ZNF626: variants seen among roughly 807,000 people sequenced by gnomAD.
ZNF626 encodes CTC-513N18.7.
In ZNF626, 4 loss-of-function variants were observed where a neutral mutation model predicts 11.7. That is an observed-to-expected ratio of 0.34 (90% CI 0.17 to 0.78). ZNF626 has a LOEUF of 0.78. ZNF626 is among the 30% of genes least tolerant of loss of function. The pLI is 0.57. For synonymous variants in ZNF626, 179 were observed against 198.6 expected (o/e 0.90, Z 0.83); for missense variants, 588 against 587.1 (o/e 1.00, Z -0.01).
At chr19:20,651,714 T>C (rs1182928217) in intron 1 of ZNF626, among the ~76,000 whole-genome samples, 2 of 152,192 alleles carry the variant, frequency 1.3e-5, no homozygotes, top group Non-Finnish European at 2.9e-5. Flanking sequence ...GGTGGCCCAA[T>C]GATAAGCCAG....
chr19:20,641,725 ATT>A (rs145844530), intron 3 of ZNF626, among the ~76,000 whole-genome samples: 1 of 147,684 alleles, frequency 6.8e-6, no homozygotes, highest in African/African-American at 2.5e-5. Context: ...ACTCTTATTA[ATT>A]TTTTTTTTTA....
At chr19:20,638,873 G>GA (rs201956787) in intron 3 of ZNF626, among the ~76,000 whole-genome samples, 4 of 151,424 alleles carry the variant, frequency 2.6e-5, no homozygotes, top group African/African-American at 7.3e-5. Flanking sequence ...GGAAAATTCA[G>GA]AAAAAAAATA....
In ZNF626 at chr19:20,637,798, A is replaced by ACAG. The variant is rs1568458047; in HGVS notation, c.226+7885_226+7886insCTG. ...ACTACTAGAAACACACAAAACAATA[A>ACAG]TAACGTAACTGGAAATAACAACTTC... On this transcript the variant is annotated intron_variant, in intron 3 of 3. Transcript: ENST00000601440. Among the ~76,000 whole-genome samples the ACAG allele has an allele frequency of 6.0e-3, 919 of 152,228 alleles. 12 individuals carry two copies. Among genetic ancestry groups the ACAG allele is most frequent in the African/African-American group, 0.021 (877 of 41,564 alleles).
intron 3 of ZNF626, among the ~76,000 whole-genome samples, chr19:20,636,495 C>G (rs1969966757): frequency 6.7e-6 from 1 of 150,374 alleles, no homozygotes; most frequent in African/African-American, 2.4e-5. Flanking sequence ...ACAAGTAGAT[C>G]AATGTATTCA....
At chr19:20,630,165 G>A (rs184359932) in intron 3 of ZNF626, among the ~76,000 whole-genome samples, 1 of 152,262 alleles carries the variant, frequency 6.6e-6, no homozygotes, top group East Asian at 1.9e-4. Flanking sequence ...TTTATGTGCT[G>A]CTGGATTCGG....
At chr19:20,627,175 A>T (rs1555769868) in intron 3 of ZNF626, among the ~76,000 whole-genome samples, 1 of 152,192 alleles carries the variant, frequency 6.6e-6, no homozygotes, top group African/African-American at 2.4e-5. Context: ...AAAATTTCTT[A>T]AAAGGAAAAA....
At chr19:20,645,472 GA>G (rs1970066190) in intron 3 of ZNF626, 1 of 1,608,936 alleles carries the variant, frequency 6.2e-7, no homozygotes, top group East Asian at 2.2e-5. Flanking sequence ...AAAATCCTTA[GA>G]GAATTTAAAA....
At chr19:20,633,422 G>A (rs1031595344) in intron 3 of ZNF626, among the ~76,000 whole-genome samples, 46 of 152,342 alleles carry the variant, frequency 3.0e-4, no homozygotes, top group African/African-American at 1.0e-3. Flanking sequence ...TTGAGCTGTG[G>A]TGGGCTCCAC....
intron 1 of ZNF626, among the ~76,000 whole-genome samples, chr19:20,651,468 TCTC>T (rs1970145556): frequency 1.3e-5 from 2 of 151,998 alleles, no homozygotes; most frequent in East Asian, 1.9e-4. Flanking sequence ...GGTCTCCAGA[TCTC>T]CTCCTTGTTT....
At chr19:20,626,793 T>A (rs1427379405) in intron 3 of ZNF626, among the ~76,000 whole-genome samples, 1 of 151,780 alleles carries the variant, frequency 6.6e-6, no homozygotes, top group African/African-American at 2.4e-5. Context: ...CTTGGCCTCC[T>A]AATTTGAGGT....
chr19:20,625,363 G>A lies in ZNF626; in HGVS notation c.514C>T (p.Pro172Ser), dbSNP rs781850783. 1 of 1,614,008 alleles carries A rather than the reference G, an allele frequency of 6.2e-7. No individual in the cohort carries two copies. The highest frequency in any genetic ancestry group is 1.3e-5 in the African/African-American group (1 of 75,038). The change falls in exon 4 of 4, where the codon CCT becomes TCT. Residue 172 changes from proline (P) to serine (S), a missense_variant. Pro to Ser is a moderately conservative substitution (Grantham distance 74). This residue lies in a region of ZNF626 where 524 missense variants were observed against 470.1 expected (regional missense o/e 1.11). Transcript: ENST00000601440. ...GQKRGHTGKK[P>S]FKYIECGKAF... is the part of the protein sequence containing the mutation. ...TTGCCACATTCTATATATTTGAAAG[G>A]TTTTTTCCCAGTATGTCCTCTCTTT...
In ZNF626 at chr19:20,622,896, TGTA is replaced by T. The variant is rs1969773608; in HGVS notation, c.*1391_*1393del. On this transcript the variant is annotated 3_prime_UTR_variant, in exon 4 of 4. Transcript: ENST00000601440. ...GTATAAACTCTGCTGTTTTCTAAGC[TGTA>T]GTTTTTTTTTTTTAAAGTGTTTCCA... 1 of 142,436 alleles carries T rather than the reference TGTA, an allele frequency of 7.0e-6. No homozygotes were observed. Among genetic ancestry groups the T allele is most frequent in the South Asian group, 2.3e-4 (1 of 4,414 alleles). 8.8% of individuals were successfully genotyped at this position (142,436 alleles called of 1,614,324 possible).
rs11085364 is a variant in ZNF626 at position 20,624,087 on chromosome 19, T to C, written c.*203A>G. On this transcript the variant is annotated 3_prime_UTR_variant, in exon 4 of 4. Coordinates refer to ENST00000601440, the MANE Select transcript of ZNF626 (RefSeq NM_001076675.3). Reference sequence around the variant, plus strand: ...AGGATAGGTGAAAAGCTTTACCACATTATTCACATCTGTAGGGTTTCTCTC... The same window carrying C: ...AGGATAGGTGAAAAGCTTTACCACACTATTCACATCTGTAGGGTTTCTCTC... 96,995 of 893,184 alleles carry C rather than the reference T, an allele frequency of 0.11. 5,879 individuals are homozygous for C. The highest frequency in any genetic ancestry group is 0.14 in the Admixed American group (7,563 of 54,982). The allele number at this position is 893,184 out of a possible 1,614,324, so 55.3% of individuals were successfully genotyped here.
At chr19:20,630,502 T>C (rs1355956724) in intron 3 of ZNF626, among the ~76,000 whole-genome samples, 1 of 152,218 alleles carries the variant, frequency 6.6e-6, no homozygotes, top group Non-Finnish European at 1.5e-5. Context: ...CCTGGTTTAG[T>C]CTTGGGAGGA....
chr19:20,636,318 CAGTT>C (rs1969964808), intron 3 of ZNF626, among the ~76,000 whole-genome samples: 1 of 152,016 alleles, frequency 6.6e-6, no homozygotes, highest in Non-Finnish European at 1.5e-5. Context: ...TTAAATTGTA[CAGTT>C]AAATATTGTT....
chr19:20,656,087 G>GT (rs1160633054), intron 1 of ZNF626, among the ~76,000 whole-genome samples: 8 of 151,954 alleles, frequency 5.3e-5, no homozygotes, highest in African/African-American at 1.9e-4. Context: ...TATGAAATCC[G>GT]TAAGTGCACA....
rs1969814698 is a variant in ZNF626, at chr19:20,625,359, A to G, written c.518T>C (p.Phe173Ser). ...QKRGHTGKKP[F>S]KYIECGKAFK... Reference sequence around the variant, plus strand: ...AGCTTTGCCACATTCTATATATTTGAAAGGTTTTTTCCCAGTATGTCCTCT... The same window carrying G: ...AGCTTTGCCACATTCTATATATTTGGAAGGTTTTTTCCCAGTATGTCCTCT... Residue 173 changes from phenylalanine (F) to serine (S), a missense_variant, in exon 4 of 4, where the codon TTC (phenylalanine) becomes TCC (serine). Coordinates refer to ENST00000601440, the MANE Select transcript of ZNF626 (RefSeq NM_001076675.3). 1.9e-6 allele frequency: 3 copies of G among 1,614,008 alleles called. No individual in the cohort carries two copies. The highest frequency in any genetic ancestry group is 2.2e-5 in the South Asian group (2 of 91,072).
chr19:20,624,062 A>G lies in ZNF626; in HGVS notation c.*228T>C. ...ATTATCTTATGTGCAGTAAGGTGTG[A>G]GGATAGGTGAAAAGCTTTACCACAT... On this transcript the variant is annotated 3_prime_UTR_variant, in exon 4 of 4. Coordinates refer to ENST00000601440, the MANE Select transcript of ZNF626 (RefSeq NM_001076675.3). 1 of 779,606 alleles carries G rather than the reference A, an allele frequency of 1.3e-6. No individual in the cohort carries two copies. The highest frequency in any genetic ancestry group is 2.5e-5 in the East Asian group (1 of 39,698). 48.3% of individuals were successfully genotyped at this position (779,606 alleles called of 1,614,324 possible). A position where few individuals can be genotyped will look rare whatever the true frequency, so the allele number is the denominator to read the frequency against.
In ZNF626 at chr19:20,625,585, C is replaced by CT; in HGVS notation, c.291dup (p.Val98SerfsTer7). ...CATTTTTCATATCTTCTCAGTACCA[C>CT]TTTTTGGAAAGAATCTTTCATGCTC... On this transcript the variant is annotated frameshift_variant, in exon 4 of 4. Transcript: ENST00000601440. LOFTEE classifies it low-confidence loss of function (END_TRUNC). The CT allele has an allele frequency of 6.2e-7, 1 of 1,603,168 alleles. No homozygotes were observed. Among genetic ancestry groups the CT allele is most frequent in the Non-Finnish European group, 8.5e-7 (1 of 1,175,740 alleles).
Sources: gnomAD v4.1 joint callset for allele counts (sites outside exome capture counted in the v4.1 genomes callset) on GRCh38, gnomAD v4.1.1 for gene constraint, gnomAD v4.1.1 regional missense constraint, MANE v1.5 for transcripts, NCBI Gene and HGNC (gene_info 2026-07-23, HGNC 2026-07-21) for gene names.